Variants in TTLL4 observed in about 807,000 individuals in gnomAD.
TTLL4 encodes the protein tubulin tyrosine ligase like 4.
Under a neutral mutation model 122.7 loss-of-function variants are expected in TTLL4, and 85 were observed. The ratio of observed to expected loss-of-function variants is 0.69; its 90% CI spans 0.58 to 0.83. The LOEUF is 0.83. TTLL4 is among the 40% of genes least tolerant of loss of function. TTLL4 has a pLI of 0.00. For missense variants in TTLL4, 1,363 were observed against 1,488.6 expected (o/e 0.92, Z 1.39); for synonymous variants, 553 against 563.0 (o/e 0.98, Z 0.25).
Position 218,737,988 on chromosome 2 carries a change from C to T in TTLL4, c.312C>T (p.Tyr104=). 2.5e-6 allele frequency: 4 copies of T among 1,614,210 alleles called. No homozygotes were observed. The highest frequency in any genetic ancestry group is 3.4e-6 in the Non-Finnish European group (4 of 1,180,042). Residue 104 remains tyrosine, a synonymous_variant, in exon 3 of 20, where the codon TAC becomes TAT. Coordinates refer to ENST00000392102, the MANE Select transcript of TTLL4 (RefSeq NM_014640.5). The stretch of plus-strand genomic sequence containing the variant: ...TTGCAGGCCACAGCAGTTCCTGTTA[C>T]CTACACTCTCTCCCGGACTTGTTCA... ...AVIAGHSSSC[Y]LHSLPDLFNS...
At chr2:218,739,192 A>G in intron 3 of TTLL4, 29 bp downstream of exon 3, 1 of 1,591,666 alleles carries the variant, frequency 6.3e-7, no homozygotes. Context: ...TGGTTCATTT[A>G]GAGCAGTAGA....
intron 2 of TTLL4, among the ~76,000 whole-genome samples, chr2:218,734,055 G>T (rs1302561318): frequency 1.3e-5 from 2 of 152,292 alleles, no homozygotes; most frequent in East Asian, 1.9e-4. Context: ...TAATGGAGGG[G>T]ATGGAGTCTA....
intron 2 of TTLL4, among the ~76,000 whole-genome samples, chr2:218,733,845 C>T (rs1456612627): frequency 6.6e-6 from 1 of 152,176 alleles, no homozygotes; most frequent in Non-Finnish European, 1.5e-5. Flanking sequence ...TGGGATGTAG[C>T]AAGGCAAACA....
At chr2:218,756,228 C>T (rs889591629), downstream of TTLL4, among the ~76,000 whole-genome samples, 1 of 152,230 alleles carries the variant, frequency 6.6e-6, no homozygotes, top group African/African-American at 2.4e-5. Flanking sequence ...TCCATGAAAA[C>T]GAACTTCAGT....
At chr2:218,742,819 A>G (rs985620392) in intron 5 of TTLL4, among the ~76,000 whole-genome samples, 3 of 152,298 alleles carry the variant, frequency 2.0e-5, no homozygotes, top group East Asian at 3.9e-4. Flanking sequence ...TAACATTGTT[A>G]GAGTCAAGAT....
chr2:218,751,748 A>G lies in TTLL4; in HGVS notation c.2918A>G (p.His973Arg), dbSNP rs1337080529. The G allele has an allele frequency of 1.2e-6, 2 of 1,613,642 alleles. No homozygotes were observed. Among genetic ancestry groups the G allele is most frequent in the Admixed American group, 1.7e-5 (1 of 59,986 alleles). Residue 973 changes from histidine to arginine, a missense_variant, in exon 16 of 20, where the codon CAT becomes CGT. His to Arg is a conservative substitution (Grantham distance 29). Coordinates refer to ENST00000392102, the MANE Select transcript of TTLL4 (RefSeq NM_014640.5). ...GACAAATGTCGAATGGCTCCAGAGCATGTCACTGCACAGAAGATGAAGAAA... is the reference window on the plus strand; with the variant it reads ...GACAAATGTCGAATGGCTCCAGAGCGTGTCACTGCACAGAAGATGAAGAAA... ...PGDKCRMAPE[H>R]VTAQKMKKAY...
In TTLL4 at chr2:218,740,502, C is replaced by T. The variant is rs1426500278; in HGVS notation, c.1598-19C>T. On this transcript the variant is annotated intron_variant, in intron 4 of 19. Coordinates refer to ENST00000392102, the MANE Select transcript of TTLL4 (RefSeq NM_014640.5). ...GCAGCCTCTTCTAGTCAGAATTTCT[C>T]TGTTCTTCCTTCCTCTAGGAGACTC... 1 of 1,613,964 alleles carries T rather than the reference C, an allele frequency of 6.2e-7. No individual in the cohort carries two copies. Among genetic ancestry groups the T allele is most frequent in the South Asian group, 1.1e-5 (1 of 91,078 alleles).
chr2:218,737,717 G>T lies in TTLL4; in HGVS notation c.41G>T (p.Arg14Leu). The T allele has an allele frequency of 7.4e-6, 12 of 1,612,946 alleles. No homozygotes were observed. The highest frequency in any genetic ancestry group is 1.0e-5 in the Non-Finnish European group (12 of 1,179,434). Residue 14 changes from arginine (R) to leucine (L), a missense_variant, in exon 3 of 20, where the codon CGC becomes CTC. Arg to Leu is a moderately radical substitution (Grantham distance 102). This residue lies in a region of TTLL4 where 760 missense variants were observed against 808.4 expected (regional missense o/e 0.94). Transcript: ENST00000392102. ...ACACAGCACTATAGTATTGGCCTCC[G>T]CCAGAAAAACAGCTTCAAGCAGAGT... ...AGTQHYSIGLRQKNSFKQSGP... is the reference protein window; with the variant it reads ...AGTQHYSIGLLQKNSFKQSGP...
chr2:218,736,023 G>A (rs1268908648), intron 2 of TTLL4, among the ~76,000 whole-genome samples: 2 of 145,522 alleles, frequency 1.4e-5, no homozygotes, highest in African/African-American at 2.6e-5. Context: ...CACCCAGGCT[G>A]GAGAGCAGTG....
Position 218,751,777 on chromosome 2 carries a change from T to A in TTLL4, c.2947T>A (p.Tyr983Asn), listed in dbSNP as rs778323943. Residue 983 changes from tyrosine (Y) to asparagine (N), a missense_variant, in exon 16 of 20, where the codon TAT becomes AAT. Physicochemically the swap from Tyr to Asn is moderately radical, Grantham distance 143. Transcript: ENST00000392102. Reference protein sequence around the residue: ...HVTAQKMKKAYYLTQKIPDQD... With the variant: ...HVTAQKMKKANYLTQKIPDQD... The stretch of plus-strand genomic sequence containing the variant: ...CACTGCACAGAAGATGAAGAAAGCC[T>A]ATTATCTGACCCAGAAAATTCCTGA... 6.2e-7 allele frequency: 1 copy of A among 1,613,106 alleles called. No individual in the cohort carries two copies. Among genetic ancestry groups the A allele is most frequent in the South Asian group, 1.1e-5 (1 of 90,920 alleles).
Position 218,747,733 on chromosome 2 carries a change from A to G in TTLL4, c.2378+8A>G. ...CCGCTTTGCCAGTTGCAAGTATGTG[A>G]CAGTGGTGAGGTATCCTCTGACAAT... On this transcript the variant is annotated splice_region_variant and intron_variant, in intron 11 of 19. Coordinates refer to ENST00000392102, the MANE Select transcript of TTLL4 (RefSeq NM_014640.5). This position sits in a 1 kb window ranked among gnomAD's most constrained non-coding sequence, Gnocchi z 4.7. 1 of 1,614,210 alleles carries G rather than the reference A, an allele frequency of 6.2e-7. No homozygotes were observed.
intron 1 of TTLL4, among the ~76,000 whole-genome samples, chr2:218,720,818 C>T (rs1307111306): frequency 6.6e-6 from 1 of 152,076 alleles, no homozygotes; most frequent in Admixed American, 6.6e-5. Flanking sequence ...TGAATAGCCT[C>T]AAGATGGGAG....
At chr2:218,752,712 C>T in intron 16 of TTLL4, 51 bp from the exon 17 acceptor site, 5 of 1,599,116 alleles carry the variant, frequency 3.1e-6, no homozygotes, top group East Asian at 2.2e-5. Context: ...AGTCTCTGCC[C>T]CTGGCTTACA....
At chr2:218,753,531 T>G (rs1943080498) in intron 18 of TTLL4, 53 bp from the exon 19 acceptor site, 1 of 1,571,912 alleles carries the variant, frequency 6.4e-7, no homozygotes, top group African/African-American at 1.3e-5. Flanking sequence ...CCCCAAACAC[T>G]CCTGCCTTGC....
In TTLL4 at chr2:218,737,820, A is replaced by G; in HGVS notation, c.144A>G (p.Gln48=). The stretch of plus-strand genomic sequence containing the variant: ...GAGTCTGGCCTCAGGCCCATCAGCA[A>G]GTGAAGCCAATCTGGAAGCTGGAAA... ...EGRVWPQAHQ[Q]VKPIWKLEKK... is the part of the protein sequence containing the mutation. Residue 48 remains glutamine (Q), a synonymous_variant, in exon 3 of 20, where the codon CAA becomes CAG. Transcript: ENST00000392102. The G allele has an allele frequency of 6.2e-7, 1 of 1,614,272 alleles. No individual in the cohort carries two copies. Among genetic ancestry groups the G allele is most frequent in the Middle Eastern group, 1.6e-4 (1 of 6,062 alleles).
At chr2:218,745,975 G>C in intron 7 of TTLL4, 174 bp downstream of exon 7, 1 of 877,862 alleles carries the variant, frequency 1.1e-6, no homozygotes, top group East Asian at 2.5e-5. Context: ...CTGTTGTTCA[G>C]AATTGAGAGA....
downstream of TTLL4, among the ~76,000 whole-genome samples, chr2:218,756,593 T>C (rs1943155692): frequency 6.6e-6 from 1 of 152,226 alleles, no homozygotes; most frequent in African/African-American, 2.4e-5. Flanking sequence ...TTGGCATATA[T>C]ACTTTTGTAT....
At chr2:218,755,790 T>C (rs533391617), downstream of TTLL4, among the ~76,000 whole-genome samples, 23 of 152,296 alleles carry the variant, frequency 1.5e-4, no homozygotes, top group Admixed American at 3.9e-4. Context: ...TTTGGAAAGA[T>C]AGAGACTTCT....
intron 1 of TTLL4, among the ~76,000 whole-genome samples, chr2:218,711,977 A>G (rs1337794287): frequency 6.6e-6 from 1 of 151,812 alleles, no homozygotes; most frequent in Non-Finnish European, 1.5e-5. Context: ...ATACTGAGAC[A>G]CTGTTTGCAT....
Sources: gnomAD v4.1 joint callset for allele counts (sites outside exome capture counted in the v4.1 genomes callset) on GRCh38, gnomAD v4.1.1 for gene constraint, gnomAD v4.1.1 regional missense constraint, Gnocchi (gnomAD v3.1) non-coding constraint, MANE v1.5 for transcripts, NCBI Gene and HGNC (gene_info 2026-07-23, HGNC 2026-07-21) for gene names.